FAM209B: variants seen among roughly 807,000 people sequenced by gnomAD.
FAM209B encodes family with sequence similarity 209 member B, also known as protein FAM209B.
In FAM209B, 8 loss-of-function variants were observed where a neutral mutation model predicts 8.9. The ratio of observed to expected loss-of-function variants is 0.90; its 90% confidence interval spans 0.53 to 1.62. The LOEUF (loss-of-function observed/expected upper bound fraction) is 1.62. FAM209B is among the 40% of genes most tolerant of loss of function. The probability of loss-of-function intolerance (pLI) is 0.00; values close to 1 mark genes in which losing one functional copy is unlikely to be tolerated. For missense variants in FAM209B, 175 were observed against 205.3 expected, an observed-to-expected ratio of 0.85 and a Z score of 0.90; for synonymous variants, 67 against 75.0, an observed-to-expected ratio of 0.89 and a Z score of 0.55.
Position 56,536,171 on chromosome 20 carries a change from G to A in FAM209B, c.250-1G>A, listed in dbSNP as rs1201858087. 2.6e-6 allele frequency: 4 copies of A among 1,524,324 alleles called. No homozygotes were observed. In the East Asian group the frequency reaches 6.8e-5, roughly 26 times the overall value. The allele number at this position is 1,524,324 out of a possible 1,614,324, so 94.4% of individuals were successfully genotyped here. A position where few individuals can be genotyped will look rare whatever the true frequency, so the allele number is the denominator to read the frequency against. On this transcript the variant is annotated splice_acceptor_variant, in intron 1 of 1. Transcript: ENST00000371325. LOFTEE classifies it high-confidence loss of function. ...TTGACCTTGAATATCTTTCTTGACA[G>A]GAGCAGAGTCCTCCTGGCCTTCGAG...
chr20:56,535,447 C>T (rs556691847), intron 1 of FAM209B, among the ~76,000 whole-genome samples: 9 of 150,980 alleles, frequency 6.0e-5, no homozygotes, highest in South Asian at 4.2e-4. Context: ...AAAAATTAGC[C>T]GGGCATGATG....
rs923473058 is a variant in FAM209B, at chr20:56,533,413, T to C, written c.72T>C (p.Ser24=). The stretch of plus-strand genomic sequence containing the variant: ...GCAGCTATGCCTTTATGTTCTCTTC[T>C]CTGAGACAGAAAACTAGCGAACCCC... ...LTCSYAFMFS[S]LRQKTSEPQG... Residue 24 remains serine, a synonymous_variant, in exon 1 of 2, where the codon TCT becomes TCC. Coordinates refer to ENST00000371325, the MANE Select transcript of FAM209B (RefSeq NM_001013646.4). The C allele has an allele frequency of 1.9e-6, 3 of 1,613,928 alleles. No homozygotes were observed. Among genetic ancestry groups the C allele is most frequent in the African/African-American group, 2.7e-5 (2 of 74,910 alleles).
rs1985855910 is a variant in FAM209B, at chr20:56,533,573, G to A, written c.232G>A (p.Asp78Asn). 6.2e-7 allele frequency: 1 copy of A among 1,614,176 alleles called. No individual in the cohort carries two copies. ...GTTTGTGATACTGCAGTGTCAAAGA[G>A]ACAGTGAGAAGAATAAGGTAAGGAT... is the stretch of plus-strand genomic sequence containing the variant. ...VPFVILQCQR[D>N]SEKNKEQSPP... Residue 78 changes from aspartate to asparagine, a missense_variant, in exon 1 of 2, where the codon GAC (aspartate) becomes AAC (asparagine). Transcript: ENST00000371325.
chr20:56,533,679 C>A, intron 1 of FAM209B, 89 bp downstream of exon 1: 2 of 1,557,794 alleles, frequency 1.3e-6, no homozygotes, highest in Non-Finnish European at 1.7e-6. Context: ...TAGGCGGCAC[C>A]GTTGGGTATA....
intron 1 of FAM209B, among the ~76,000 whole-genome samples, chr20:56,535,792 T>C (rs1985953615): frequency 1.3e-5 from 2 of 152,112 alleles, no homozygotes; most frequent in South Asian, 4.1e-4. Flanking sequence ...GAAAGCGTAT[T>C]CTCCCCTAGA....
intron 1 of FAM209B, among the ~76,000 whole-genome samples, chr20:56,535,122 T>G (rs1211326058): frequency 6.6e-6 from 1 of 150,994 alleles, no homozygotes; most frequent in Non-Finnish European, 1.5e-5. Flanking sequence ...CTCGGGAGAC[T>G]GAGGCAGGAG....
intron 1 of FAM209B, among the ~76,000 whole-genome samples, chr20:56,534,819 C>T (rs1302653088): frequency 4.1e-5 from 6 of 146,836 alleles, no homozygotes; most frequent in South Asian, 2.2e-4. Flanking sequence ...TTTGGGAGGC[C>T]GAGGCGGACG....
Position 56,536,409 on chromosome 20 carries a change from A to G in FAM209B, c.487A>G (p.Lys163Glu), listed in dbSNP as rs761172925. Reference sequence around the variant, plus strand: ...AGATCCATACCATGTCACAATCTGTAAAATATGGGGAGAAGAAAGCTCTAG... The same window carrying G: ...AGATCCATACCATGTCACAATCTGTGAAATATGGGGAGAAGAAAGCTCTAG... ...PADPYHVTIC[K>E]IWGEESSS The change falls in exon 2 of 2, where the codon AAA becomes GAA. Residue 163 changes from lysine (K) to glutamate (E), a missense_variant. Physicochemically the swap from Lys to Glu is moderately conservative, Grantham distance 56. Transcript: ENST00000371325. 25 of 1,606,154 alleles carry G rather than the reference A, an allele frequency of 1.6e-5. No individual in the cohort carries two copies. Among genetic ancestry groups the G allele is most frequent in the Admixed American group, 1.0e-4 (6 of 58,698 alleles).
At chr20:56,536,070 C>T in intron 1 of FAM209B, 102 bp from the exon 2 acceptor site, 1 of 1,113,796 alleles carries the variant, frequency 9.0e-7, no homozygotes, top group Non-Finnish European at 1.3e-6. Flanking sequence ...CACTCGAGCA[C>T]TGCTAGAACC....
rs1985839704 is a variant in FAM209B, at chr20:56,533,369, C to T, written c.28C>T (p.Leu10=). Residue 10 remains leucine, a synonymous_variant, in exon 1 of 2, where the codon CTG becomes TTG. Coordinates refer to ENST00000371325, the MANE Select transcript of FAM209B (RefSeq NM_001013646.4). ...GTGGACGCTGAAATCGTCCCTGGTC[C>T]TGCTTCTGTGCCTCACCTGCAGCTA... The part of the protein sequence containing the change: MWTLKSSLV[L]LLCLTCSYAF... 1 of 1,614,048 alleles carries T rather than the reference C, an allele frequency of 6.2e-7. No homozygotes were observed. Among genetic ancestry groups the T allele is most frequent in the African/African-American group, 1.3e-5 (1 of 74,934 alleles).
chr20:56,534,207 C>T (rs1429593635), intron 1 of FAM209B, among the ~76,000 whole-genome samples: 1 of 152,076 alleles, frequency 6.6e-6, no homozygotes, highest in African/African-American at 2.4e-5. Flanking sequence ...ATTCACAGGG[C>T]CAAATTCACT....
Position 56,533,460 on chromosome 20 carries a change from A to G in FAM209B, c.119A>G (p.Glu40Gly), listed in dbSNP as rs1283444839. 2 of 1,613,000 alleles carry G rather than the reference A, an allele frequency of 1.2e-6. No individual in the cohort carries two copies. The highest frequency in any genetic ancestry group is 1.7e-6 in the Non-Finnish European group (2 of 1,179,104). ...CCCCAGGGGAAGGTGCCGTGTGGAG[A>G]GCACTTTCGGATTCGGCAGAACCTA... ...SEPQGKVPCG[E>G]HFRIRQNLPE... Residue 40 changes from glutamate to glycine, a missense_variant, in exon 1 of 2, where the codon GAG (glutamate) becomes GGG (glycine). Glu to Gly is a moderately conservative substitution (Grantham distance 98, BLOSUM62 -2). Coordinates refer to ENST00000371325, the MANE Select transcript of FAM209B (RefSeq NM_001013646.4).
chr20:56,535,497 AG>A (rs1245563887), intron 1 of FAM209B, among the ~76,000 whole-genome samples: 1 of 152,014 alleles, frequency 6.6e-6, no homozygotes, highest in African/African-American at 2.4e-5. Context: ...AGGCTGAGGC[AG>A]GAGAATAGCT....
chr20:56,534,298 A>G (rs563796940), intron 1 of FAM209B, among the ~76,000 whole-genome samples: 88 of 152,052 alleles, frequency 5.8e-4, no homozygotes, highest in Non-Finnish European at 1.1e-3. Flanking sequence ...TCATCCCAAC[A>G]AAATATGAAA....
At position 56,533,603 on chromosome 20, in the gene FAM209B, C is replaced by T. The variant is rs2094796190; in HGVS notation, c.249+13C>T. On this transcript the variant is annotated intron_variant, in intron 1 of 1. Transcript: ENST00000371325. Reference sequence around the variant, plus strand: ...TGAGAAGAATAAGGTAAGGATGGCTCCATTTTTTTTACACCATATTGATTC... The same window carrying T: ...TGAGAAGAATAAGGTAAGGATGGCTTCATTTTTTTTACACCATATTGATTC... 1.2e-6 allele frequency: 2 copies of T among 1,612,648 alleles called. No homozygotes were observed. Among genetic ancestry groups the T allele is most frequent in the Non-Finnish European group, 8.5e-7 (1 of 1,179,002 alleles).
At position 56,533,366 on chromosome 20, in the gene FAM209B, G is replaced by T; in HGVS notation, c.25G>T (p.Val9Phe). 1.2e-6 allele frequency: 2 copies of T among 1,614,122 alleles called. No homozygotes were observed. Among genetic ancestry groups the T allele is most frequent in the Non-Finnish European group, 1.7e-6 (2 of 1,179,996 alleles). The change falls in exon 1 of 2, where the codon GTC becomes TTC. Residue 9 changes from valine to phenylalanine, a missense_variant. By Grantham distance (50) the Val-to-Phe change is conservative. This residue lies in a region of FAM209B where 9 missense variants were observed against 30.8 expected (regional missense o/e 0.29). Transcript: ENST00000371325. Reference protein sequence around the residue: MWTLKSSLVLLLCLTCSYA... With the variant: MWTLKSSLFLLLCLTCSYA... ...CATGTGGACGCTGAAATCGTCCCTG[G>T]TCCTGCTTCTGTGCCTCACCTGCAG...
chr20:56,535,884 G>T lies in FAM209B; in HGVS notation c.250-288G>T, dbSNP rs148680000. ...CTTTTTCTGTAAAGGGCCAGAGAGT[G>T]AATATTTACAGCTTTGTGGGCAGTA... On this transcript the variant is annotated intron_variant, in intron 1 of 1. Coordinates refer to ENST00000371325, the MANE Select transcript of FAM209B (RefSeq NM_001013646.4). Among the ~76,000 whole-genome samples, 472 of 152,318 alleles carry T rather than the reference G, an allele frequency of 3.1e-3. 4 individuals are homozygous for T. The highest frequency in any genetic ancestry group is 0.011 in the African/African-American group (456 of 41,568).
intron 1 of FAM209B, among the ~76,000 whole-genome samples, chr20:56,534,793 C>T (rs183539658): frequency 1.4e-5 from 2 of 145,878 alleles, no homozygotes; most frequent in Non-Finnish European, 3.0e-5. Context: ...GTGGCTCATG[C>T]CTGTAATCCC....
At position 56,536,428 on chromosome 20, in the gene FAM209B, G is replaced by C. The variant is rs1258579855; in HGVS notation, c.506G>C (p.Ser169Thr). Residue 169 changes from serine (S) to threonine (T), a missense_variant, in exon 2 of 2, where the codon AGC becomes ACC. Coordinates refer to ENST00000371325, the MANE Select transcript of FAM209B (RefSeq NM_001013646.4). ...ATCTGTAAAATATGGGGAGAAGAAA[G>C]CTCTAGCTGAATGGATTTGTGTGTC... ...VTICKIWGEE[S>T]SS 2 of 1,591,056 alleles carry C rather than the reference G, an allele frequency of 1.3e-6. No individual in the cohort carries two copies. Among genetic ancestry groups the C allele is most frequent in the East Asian group, 4.5e-5 (2 of 44,464 alleles).
Sources: allele counts gnomAD v4.1 joint callset (sites outside exome capture counted in the v4.1 genomes callset), GRCh38; gene constraint gnomAD v4.1.1; regional missense constraint gnomAD v4.1.1; transcripts MANE v1.5; gene names NCBI Gene and HGNC (gene_info 2026-07-23, HGNC 2026-07-21).